The following SOBP variants were observed in gnomAD, a reference collection of about 807,000 sequenced individuals.
SOBP encodes sine oculis-binding protein homolog.
Under a neutral mutation model 53.6 loss-of-function variants are expected in SOBP, and 4 were observed. That is an observed-to-expected ratio of 0.07 (90% CI 0.04 to 0.17). The LOEUF is 0.17. Among genes scored for constraint, SOBP ranks in the 10% least tolerant of loss-of-function variants. The pLI, the probability that SOBP is intolerant of heterozygous loss-of-function variation, is 1.00. For missense variants in SOBP, 1,088 were observed against 1,204.7 expected, an observed-to-expected ratio of 0.90 and a Z score of 1.43; for synonymous variants, 584 against 522.6, an observed-to-expected ratio of 1.12 and a Z score of -1.60.
intron 1 of SOBP, among the ~76,000 whole-genome samples, chr6:107,494,831 C>G (rs368744122): frequency 6.6e-6 from 1 of 152,162 alleles, no homozygotes; most frequent in Non-Finnish European, 1.5e-5. Flanking sequence ...AGTAAACTTA[C>G]CACAAGATTT....
At position 107,634,581 on chromosome 6, in the gene SOBP, A is replaced by C; in HGVS notation, c.1737A>C (p.Gly579=). Residue 579 remains glycine, a synonymous_variant, in exon 6 of 7, where the codon GGA becomes GGC. Coordinates refer to ENST00000317357, the MANE Select transcript of SOBP (RefSeq NM_018013.4). The surrounding 1 kb of genome is among the most constrained non-coding windows in gnomAD (Gnocchi z 4.5). ...CGGCGGCGGGCGGCAAGCCAAGCGG[A>C]CACTCCCTGTCCCCCCGGGACTCCA... The part of the protein sequence containing the change: ...DSAAAGGKPS[G]HSLSPRDSKQ... The C allele has an allele frequency of 6.2e-7, 1 of 1,603,930 alleles. No individual in the cohort carries two copies. The highest frequency in any genetic ancestry group is 2.2e-5 in the East Asian group (1 of 44,732).
At chr6:107,565,588 T>A (rs998147664) in intron 4 of SOBP, among the ~76,000 whole-genome samples, 1 of 152,064 alleles carries the variant, frequency 6.6e-6, no homozygotes, top group African/African-American at 2.4e-5. Context: ...AGGAAGTGAC[T>A]TGGACCTCTG....
At chr6:107,562,311 G>A (rs1291049315) in intron 4 of SOBP, among the ~76,000 whole-genome samples, 4 of 151,680 alleles carry the variant, frequency 2.6e-5, no homozygotes, top group African/African-American at 4.8e-5. Context: ...GAGCCACTGC[G>A]CCTGGCCTCC....
intron 4 of SOBP, among the ~76,000 whole-genome samples, chr6:107,534,281 T>C (rs1234909393): frequency 2.6e-5 from 4 of 152,228 alleles, no homozygotes; most frequent in Non-Finnish European, 4.4e-5. Flanking sequence ...CCTTTTTGAA[T>C]AGTGTTAGCC....
intron 1 of SOBP, among the ~76,000 whole-genome samples, chr6:107,491,460 G>A (rs1461479481): frequency 6.6e-6 from 1 of 152,266 alleles, no homozygotes; most frequent in African/African-American, 2.4e-5. Flanking sequence ...CGGCGAGGCT[G>A]GGCTCCCCGC....
intron 3 of SOBP, among the ~76,000 whole-genome samples, chr6:107,513,452 C>G (rs1056977284): frequency 6.6e-6 from 1 of 151,940 alleles, no homozygotes; most frequent in Non-Finnish European, 1.5e-5. Flanking sequence ...CTTTTTGGCT[C>G]TTATAATTCT....
intron 5 of SOBP, among the ~76,000 whole-genome samples, chr6:107,620,090 C>T (rs369252503): frequency 6.6e-6 from 1 of 152,210 alleles, no homozygotes; most frequent in Admixed American, 6.5e-5. Context: ...CCACTCATCC[C>T]TGTGGTGTCT....
chr6:107,587,706 T>C (rs968193061), intron 5 of SOBP, among the ~76,000 whole-genome samples: 2 of 152,156 alleles, frequency 1.3e-5, no homozygotes, highest in Non-Finnish European at 2.9e-5. Flanking sequence ...GCGGGGATGT[T>C]TACAAGTCGT....
At chr6:107,583,976 TG>T (rs1371139865) in intron 4 of SOBP, among the ~76,000 whole-genome samples, 2 of 152,204 alleles carry the variant, frequency 1.3e-5, no homozygotes. Context: ...TTGGGGCATG[TG>T]GGATTTCAGA....
chr6:107,644,951 C>T (rs1002864797), intron 6 of SOBP, among the ~76,000 whole-genome samples: 3 of 152,184 alleles, frequency 2.0e-5, no homozygotes, highest in Admixed American at 6.5e-5. Context: ...GACTTAGTGG[C>T]TATTTTCATA....
At chr6:107,581,541 A>G (rs1251411178) in intron 4 of SOBP, among the ~76,000 whole-genome samples, 1 of 152,208 alleles carries the variant, frequency 6.6e-6, no homozygotes, top group East Asian at 1.9e-4. Flanking sequence ...CTGCAGGACA[A>G]AGAATCAGTG....
intron 6 of SOBP, among the ~76,000 whole-genome samples, chr6:107,649,329 A>G (rs1583311635): frequency 6.6e-6 from 1 of 151,942 alleles, no homozygotes; most frequent in Non-Finnish European, 1.5e-5. Flanking sequence ...AAAAAATCAG[A>G]AAAAAATTAG....
intron 3 of SOBP, among the ~76,000 whole-genome samples, chr6:107,522,244 G>T (rs1783532097): frequency 6.6e-6 from 1 of 152,162 alleles, no homozygotes; most frequent in Admixed American, 6.5e-5. Context: ...ACCATGCCAG[G>T]AGTGCCACTT....
At chr6:107,533,655 GC>G (rs1308051794) in intron 4 of SOBP, 45 bp downstream of exon 4, 1 of 1,612,500 alleles carries the variant, frequency 6.2e-7, no homozygotes, top group Non-Finnish European at 8.5e-7. Context: ...GGCCTCACCA[GC>G]CCACACGCGC....
At chr6:107,611,936 C>T (rs1487717349) in intron 5 of SOBP, among the ~76,000 whole-genome samples, 2 of 152,178 alleles carry the variant, frequency 1.3e-5, no homozygotes, top group African/African-American at 4.8e-5. Context: ...TACCAGACCC[C>T]AAATGAGACA....
In SOBP at chr6:107,617,115, G is replaced by A. The variant is rs573372162; in HGVS notation, c.670-16399G>A. Among the ~76,000 whole-genome samples, 8 of 152,252 alleles carry A rather than the reference G, an allele frequency of 5.3e-5. No individual in the cohort carries two copies. The South Asian group carries it at 1.7e-3, about 32-fold the overall frequency. ...TAAAGTCCTAACAGCATGCAGGCAT[G>A]GTATAAAACAGGTGATCCCTTAATG... On this transcript the variant is annotated intron_variant, in intron 5 of 6. Coordinates refer to ENST00000317357, the MANE Select transcript of SOBP (RefSeq NM_018013.4).
At chr6:107,621,129 G>A (rs1276975713) in intron 5 of SOBP, 2 of 852,218 alleles carry the variant, frequency 2.3e-6, no homozygotes, top group African/African-American at 1.8e-5. Flanking sequence ...GTACTATTGA[G>A]CCACTTGAAT....
chr6:107,607,809 A>G lies in SOBP; in HGVS notation c.669+20634A>G, dbSNP rs183977022. Among the ~76,000 whole-genome samples, 29 of 152,356 alleles carry G rather than the reference A, an allele frequency of 1.9e-4. No individual in the cohort carries two copies. In the East Asian group the frequency reaches 4.8e-3, roughly 25 times the overall value. Reference sequence around the variant, plus strand: ...CCATATCAGCATTTCATGGGGTTCCATAGAGAGCTTTGCCCCTTACCAGGT... The same window carrying G: ...CCATATCAGCATTTCATGGGGTTCCGTAGAGAGCTTTGCCCCTTACCAGGT... On this transcript the variant is annotated intron_variant, in intron 5 of 6. Coordinates refer to ENST00000317357, the MANE Select transcript of SOBP (RefSeq NM_018013.4).
chr6:107,640,139 CA>C (rs1437438276), intron 6 of SOBP, among the ~76,000 whole-genome samples: 1 of 152,128 alleles, frequency 6.6e-6, no homozygotes, highest in East Asian at 1.9e-4. Context: ...TTGGGGAAGC[CA>C]AAAGGGTGGA....
Sources: gnomAD v4.1 joint callset for allele counts (sites outside exome capture counted in the v4.1 genomes callset) on GRCh38, gnomAD v4.1.1 for gene constraint, Gnocchi (gnomAD v3.1) non-coding constraint, MANE v1.5 for transcripts, NCBI Gene and HGNC (gene_info 2026-07-23, HGNC 2026-07-21) for gene names.